CDH4: variants seen among roughly 807,000 people sequenced by gnomAD.
CDH4 encodes the protein cadherin-4.
A neutral mutation model predicts 86.0 loss-of-function variants in CDH4; 33 were observed. The ratio of observed to expected loss-of-function variants is 0.38; its 90% CI spans 0.29 to 0.51. The LOEUF is 0.51. CDH4 is among the 20% of genes least tolerant of loss of function. The pLI is 0.86. For missense variants in CDH4, 1,114 were observed against 1,307.4 expected (o/e 0.85, Z 2.28); for synonymous variants, 555 against 549.4 (o/e 1.01, Z -0.14).
intron 2 of CDH4, among the ~76,000 whole-genome samples, chr20:61,590,817 T>C (rs1352877793): frequency 6.9e-6 from 1 of 144,374 alleles, no homozygotes; most frequent in African/African-American, 2.5e-5. Flanking sequence ...CCTTTTAAAG[T>C]GGGCACTCTA....
At chr20:61,374,179 G>A (rs1468955002) in intron 2 of CDH4, among the ~76,000 whole-genome samples, 1 of 152,210 alleles carries the variant, frequency 6.6e-6, no homozygotes, top group East Asian at 1.9e-4. Flanking sequence ...CTAGCTCCCT[G>A]AGGAGCTCGC....
intron 2 of CDH4, among the ~76,000 whole-genome samples, chr20:61,693,888 T>C (rs553949888): frequency 1.4e-3 from 183 of 133,968 alleles, no homozygotes; most frequent in Admixed American, 3.7e-3. Flanking sequence ...TTCTTTCTTT[T>C]TTTTTTTTTT....
chr20:61,871,982 G>A (rs1983823115), intron 6 of CDH4, among the ~76,000 whole-genome samples: 1 of 152,152 alleles, frequency 6.6e-6, no homozygotes, highest in Non-Finnish European at 1.5e-5. Flanking sequence ...TGCCTGGGTG[G>A]AAGGCCAGAG....
chr20:61,526,170 C>T (rs546930508), intron 2 of CDH4, among the ~76,000 whole-genome samples: 1 of 151,526 alleles, frequency 6.6e-6, no homozygotes, highest in Non-Finnish European at 1.5e-5. Context: ...GCTGGTGCCC[C>T]TCCCCCTCCC....
chr20:61,405,868 G>A (rs6089499), intron 2 of CDH4, among the ~76,000 whole-genome samples: 7,366 of 152,160 alleles, frequency 0.048, 247 homozygotes, highest in South Asian at 0.088. Context: ...TTTTAGTAGA[G>A]ACGGGGTTTC....
At chr20:61,868,107 G>A (rs1306279001) in intron 6 of CDH4, among the ~76,000 whole-genome samples, 1 of 152,236 alleles carries the variant, frequency 6.6e-6, no homozygotes, top group Non-Finnish European at 1.5e-5. Flanking sequence ...CCGCAGAATG[G>A]ATCAGTCCTT....
chr20:61,306,904 G>C (rs552984953), intron 2 of CDH4, among the ~76,000 whole-genome samples: 1 of 152,262 alleles, frequency 6.6e-6, no homozygotes, highest in East Asian at 1.9e-4. Context: ...AGCCGTGTTT[G>C]GGGAGCCATC....
chr20:61,581,796 C>T (rs982492362), intron 2 of CDH4, among the ~76,000 whole-genome samples: 2 of 152,210 alleles, frequency 1.3e-5, no homozygotes, highest in Non-Finnish European at 2.9e-5. Flanking sequence ...TTAGGGACCG[C>T]TTTTCAGCCC....
intron 2 of CDH4, among the ~76,000 whole-genome samples, chr20:61,261,446 A>G (rs2084127162): frequency 6.6e-6 from 1 of 152,242 alleles, no homozygotes; most frequent in African/African-American, 2.4e-5. Context: ...GCTTTGCAGA[A>G]TTATAATATA....
chr20:61,532,810 T>C (rs2085965812), intron 2 of CDH4, among the ~76,000 whole-genome samples: 1 of 152,156 alleles, frequency 6.6e-6, no homozygotes, highest in East Asian at 1.9e-4. Context: ...GTTTTCTGTG[T>C]CCCGTAACCA....
chr20:61,904,182 A>G (rs1776413093), intron 8 of CDH4, among the ~76,000 whole-genome samples: 1 of 152,122 alleles, frequency 6.6e-6, no homozygotes, highest in South Asian at 2.1e-4. Flanking sequence ...GGCCTCCACC[A>G]GGGATTGGAT....
In CDH4 at chr20:61,936,902, A is replaced by C. The variant is rs763333128; in HGVS notation, c.2710A>C (p.Lys904Gln). The C allele has an allele frequency of 2.5e-6, 4 of 1,600,224 alleles. No homozygotes were observed. The highest frequency in any genetic ancestry group is 2.6e-6 in the Non-Finnish European group (3 of 1,173,552). ...DYLNDWGPRF[K>Q]KLADMYGGGE... Reference sequence around the variant, plus strand: ...CCTCAACGACTGGGGGCCCAGATTCAAGAAGCTGGCGGACATGTATGGAGG... The same window carrying C: ...CCTCAACGACTGGGGGCCCAGATTCCAGAAGCTGGCGGACATGTATGGAGG... Residue 904 changes from lysine to glutamine, a missense_variant, in exon 16 of 16, where the codon AAG (lysine) becomes CAG (glutamine). By Grantham distance (53) the Lys-to-Gln change is moderately conservative (BLOSUM62 1). Transcript: ENST00000614565.
At chr20:61,449,643 A>T (rs2427105) in intron 2 of CDH4, among the ~76,000 whole-genome samples, 81,226 of 148,156 alleles carry the variant, frequency 0.55, 21,869 homozygotes, top group Admixed American at 0.63. Context: ...GTAGAGAATT[A>T]AAAAAAAAAT....
chr20:61,576,863 A>G (rs73304618), intron 2 of CDH4, among the ~76,000 whole-genome samples: 5,139 of 152,334 alleles, frequency 0.034, 291 homozygotes, highest in African/African-American at 0.11. Flanking sequence ...ACACCAATCC[A>G]CAGTTAGCCC....
At chr20:61,843,997 T>C (rs1340636849) in intron 4 of CDH4, among the ~76,000 whole-genome samples, 3 of 152,190 alleles carry the variant, frequency 2.0e-5, no homozygotes, top group Non-Finnish European at 4.4e-5. Context: ...AGGTTTCGCC[T>C]CAACTGAGTG....
intron 2 of CDH4, among the ~76,000 whole-genome samples, chr20:61,524,239 A>C (rs896469096): frequency 1.3e-5 from 2 of 152,156 alleles, no homozygotes; most frequent in African/African-American, 4.8e-5. Context: ...ATGCTTCCCT[A>C]CTGGAGACAC....
intron 2 of CDH4, among the ~76,000 whole-genome samples, chr20:61,628,174 T>A (rs2086849065): frequency 1.3e-5 from 2 of 152,192 alleles, no homozygotes; most frequent in African/African-American, 4.8e-5. Flanking sequence ...TATTTGTGTC[T>A]CATTCACATG....
intron 2 of CDH4, among the ~76,000 whole-genome samples, chr20:61,722,214 A>G (rs1347032392): frequency 4.6e-5 from 7 of 152,054 alleles, no homozygotes; most frequent in African/African-American, 1.7e-4. Context: ...TTTGTAAGTG[A>G]CATTGTATTT....
At chr20:61,459,963 CA>C (rs941712752) in intron 2 of CDH4, among the ~76,000 whole-genome samples, 1 of 152,034 alleles carries the variant, frequency 6.6e-6, no homozygotes, top group Non-Finnish European at 1.5e-5. Context: ...CAGGTACCCC[CA>C]CACCTGGGAC....
Sources: gnomAD v4.1 joint callset for allele counts (sites outside exome capture counted in the v4.1 genomes callset) on GRCh38, gnomAD v4.1.1 for gene constraint, MANE v1.5 for transcripts, NCBI Gene and HGNC (gene_info 2026-07-23, HGNC 2026-07-21) for gene names.